Variants in SVEP1 observed in about 807,000 individuals in gnomAD.
The protein encoded by SVEP1 is sushi, von Willebrand factor type A, EGF and pentraxin domain containing 1.
In SVEP1, 164 loss-of-function variants were observed where a neutral mutation model predicts 367.3. The ratio of observed to expected loss-of-function variants is 0.45; its 90% CI spans 0.39 to 0.51. The LOEUF (loss-of-function observed/expected upper bound fraction) is 0.51, where lower values mean the gene tolerates loss of function less well. Ranked by LOEUF, SVEP1 falls within the 20% of genes least tolerant of loss-of-function variation. The pLI, the probability that SVEP1 is intolerant of heterozygous loss-of-function variation, is 0.00. For synonymous variants in SVEP1, 1,666 were observed against 1,611.6 expected (o/e 1.03, Z -0.81); for missense variants, 4,117 against 4,425.3 (o/e 0.93, Z 1.98).
Position 110,447,144 on chromosome 9 carries a change from A to T in SVEP1, c.4104-87T>A, listed in dbSNP as rs10980390. 4 of 1,233,138 alleles carry T rather than the reference A, an allele frequency of 3.2e-6. No homozygotes were observed. The South Asian group carries it at 1.0e-4, about 32-fold the overall frequency. 76.4% of individuals were successfully genotyped at this position (1,233,138 alleles called of 1,614,324 possible). Reference sequence around the variant, plus strand: ...AATCTTATCTCGAAAGACTTTGAAAATTGAAATGCTGGAACACATTTTCTA... The same window carrying T: ...AATCTTATCTCGAAAGACTTTGAAATTTGAAATGCTGGAACACATTTTCTA... On this transcript the variant is annotated intron_variant, in intron 24 of 47. Coordinates refer to ENST00000374469, the MANE Select transcript of SVEP1 (RefSeq NM_153366.4).
intron 3 of SVEP1, among the ~76,000 whole-genome samples, chr9:110,515,527 C>T (rs1359620320): frequency 6.6e-6 from 1 of 152,048 alleles, no homozygotes; most frequent in East Asian, 1.9e-4. Flanking sequence ...GTCTCAATCT[C>T]CTGACCTCAT....
At chr9:110,382,735 C>T (rs973871992) in intron 43 of SVEP1, among the ~76,000 whole-genome samples, 1 of 152,204 alleles carries the variant, frequency 6.6e-6, no homozygotes, top group African/African-American at 2.4e-5. Context: ...TACATAATTT[C>T]ATAGTTCTCA....
intron 38 of SVEP1, among the ~76,000 whole-genome samples, chr9:110,405,468 C>A (rs1251262348): frequency 6.6e-6 from 1 of 151,546 alleles, no homozygotes; most frequent in Non-Finnish European, 1.5e-5. Context: ...AGTAGGAATA[C>A]AGCATAATTC....
At chr9:110,371,855 C>G (rs529349258) in intron 46 of SVEP1, among the ~76,000 whole-genome samples, 2 of 147,394 alleles carry the variant, frequency 1.4e-5, no homozygotes, top group East Asian at 3.8e-4. Context: ...TTTTACAATC[C>G]CGCAATGAAT....
chr9:110,404,860 A>G (rs755346880), intron 38 of SVEP1, among the ~76,000 whole-genome samples: 5 of 152,074 alleles, frequency 3.3e-5, no homozygotes, highest in African/African-American at 4.8e-5. Flanking sequence ...CTTCATCTCT[A>G]TAAAAAATAA....
At chr9:110,573,172 C>G (rs1453826089) in intron 1 of SVEP1, among the ~76,000 whole-genome samples, 1 of 147,292 alleles carries the variant, frequency 6.8e-6, no homozygotes, top group Non-Finnish European at 1.5e-5. Flanking sequence ...GTACCCCCAC[C>G]CCTTCCTATA....
chr9:110,413,619 T>C (rs1828077159), intron 36 of SVEP1, among the ~76,000 whole-genome samples: 1 of 152,046 alleles, frequency 6.6e-6, no homozygotes, highest in Non-Finnish European at 1.5e-5. Context: ...TTTTTCTTAG[T>C]AATTCCCAGT....
In SVEP1 at chr9:110,416,153, T is replaced by C. The variant is rs1564136981; in HGVS notation, c.5976-4418A>G. Reference sequence around the variant, plus strand: ...GAATTTATAACACACACAAACATATTTTCCATCACAAATGGGTTGGCAGAC... The same window carrying C: ...GAATTTATAACACACACAAACATATCTTCCATCACAAATGGGTTGGCAGAC... On this transcript the variant is annotated intron_variant, in intron 36 of 47. Transcript: ENST00000374469. Among the ~76,000 whole-genome samples, 3 of 152,050 alleles carry C rather than the reference T, an allele frequency of 2.0e-5. No individual in the cohort carries two copies. In the East Asian group the frequency reaches 5.8e-4, roughly 29 times the overall value.
intron 26 of SVEP1, among the ~76,000 whole-genome samples, chr9:110,443,950 C>G (rs1828553341): frequency 1.3e-5 from 2 of 151,886 alleles, no homozygotes; most frequent in African/African-American, 2.4e-5. Context: ...TTCTTAAACA[C>G]TGAGGGGTAG....
chr9:110,456,793 A>G (rs1042532356), intron 21 of SVEP1, among the ~76,000 whole-genome samples: 2 of 152,228 alleles, frequency 1.3e-5, no homozygotes, highest in Non-Finnish European at 2.9e-5. Context: ...AATAAAGCCC[A>G]AAGCCAAATT....
intron 7 of SVEP1, among the ~76,000 whole-genome samples, chr9:110,498,319 G>C (rs1228332319): frequency 6.6e-6 from 1 of 152,142 alleles, no homozygotes; most frequent in African/African-American, 2.4e-5. Context: ...TCTCTTGGTA[G>C]AGAAATTTTT....
chr9:110,399,450 G>C (rs1045188131), intron 40 of SVEP1, among the ~76,000 whole-genome samples: 4 of 151,834 alleles, frequency 2.6e-5, no homozygotes, highest in African/African-American at 7.3e-5. Context: ...TAACAAACCT[G>C]CACATTGTGC....
At position 110,459,188 on chromosome 9, in the gene SVEP1, T is replaced by A. The variant is rs966578976; in HGVS notation, c.3323-75A>T. 2.2e-6 allele frequency: 3 copies of A among 1,392,984 alleles called. No individual in the cohort carries two copies. In the African/African-American group the frequency reaches 4.3e-5, roughly 20 times the overall value. 86.3% of individuals were successfully genotyped at this position (1,392,984 alleles called of 1,614,324 possible). ...CATTTGAAAGAAGTGATTTAATCTG[T>A]GCATATAAGAAACCTACTGAATTAT... On this transcript the variant is annotated intron_variant, in intron 18 of 47. Coordinates refer to ENST00000374469, the MANE Select transcript of SVEP1 (RefSeq NM_153366.4).
intron 5 of SVEP1, among the ~76,000 whole-genome samples, chr9:110,506,222 T>C (rs549709031): frequency 6.6e-6 from 1 of 152,302 alleles, no homozygotes; most frequent in South Asian, 2.1e-4. Context: ...CTATCATTAA[T>C]GGGCATTTGG....
chr9:110,450,041 T>A lies in SVEP1; in HGVS notation c.4103+18A>T. ...TAAAAAATAAAAACAGTGAAAAGAA[T>A]CAGACTTAGCCTTTTACCTGAAGCT... On this transcript the variant is annotated intron_variant, in intron 24 of 47. Transcript: ENST00000374469. 1.2e-6 allele frequency: 2 copies of A among 1,613,020 alleles called. No individual in the cohort carries two copies. Among genetic ancestry groups the A allele is most frequent in the Non-Finnish European group, 1.7e-6 (2 of 1,179,338 alleles).
chr9:110,387,903 C>T lies in SVEP1; in HGVS notation c.9887-445G>A, dbSNP rs564531691. Among the ~76,000 whole-genome samples the T allele has an allele frequency of 3.2e-4, 49 of 152,140 alleles. 1 individual carries two copies. In the South Asian group the frequency reaches 9.3e-3, roughly 29 times the overall value. On this transcript the variant is annotated intron_variant, in intron 41 of 47. Coordinates refer to ENST00000374469, the MANE Select transcript of SVEP1 (RefSeq NM_153366.4). ...ATAACAAATACATTTTTAGTATAAG[C>T]GTGTCTCCGATATTGCATATTTATA...
In SVEP1 at chr9:110,408,220, G is replaced by A. The variant is rs750637964; in HGVS notation, c.7380C>T (p.Ser2460=). The change falls in exon 38 of 48, where the codon AGC becomes AGT. Residue 2460 remains serine, a synonymous_variant. Coordinates refer to ENST00000374469, the MANE Select transcript of SVEP1 (RefSeq NM_153366.4). ...CTGGCTTGCAGGTATAGAGAGCTGTGCTGAGATAGGCAAGGCCTTGCACAT... is the reference window on the plus strand; with the variant it reads ...CTGGCTTGCAGGTATAGAGAGCTGTACTGAGATAGGCAAGGCCTTGCACAT... ...IIDVQGLAYL[S]TALYTCKPGF... is the part of the protein sequence containing the mutation. 26 of 1,613,988 alleles carry A rather than the reference G, an allele frequency of 1.6e-5. No individual in the cohort carries two copies. The highest frequency in any genetic ancestry group is 1.9e-5 in the Non-Finnish European group (23 of 1,179,894).
chr9:110,407,320 A>T lies in SVEP1; in HGVS notation c.8280T>A (p.Asn2760Lys). Residue 2760 changes from asparagine (N) to lysine (K), a missense_variant, in exon 38 of 48, where the codon AAT (asparagine) becomes AAA (lysine). Coordinates refer to ENST00000374469, the MANE Select transcript of SVEP1 (RefSeq NM_153366.4). Reference protein sequence around the residue: ...AGSDLRLCLENRKWSGASPRC... With the variant: ...AGSDLRLCLEKRKWSGASPRC... ...GTGGGGAGGCACCACTCCACTTTCT[A>T]TTCTCTAGACAAAGCCTTAAGTCAG... The T allele has an allele frequency of 6.2e-7, 1 of 1,613,960 alleles. No individual in the cohort carries two copies. The highest frequency in any genetic ancestry group is 8.5e-7 in the Non-Finnish European group (1 of 1,179,884).
At chr9:110,464,128 T>C (rs535525632) in intron 18 of SVEP1, among the ~76,000 whole-genome samples, 4 of 152,194 alleles carry the variant, frequency 2.6e-5, no homozygotes, top group African/African-American at 7.2e-5. Context: ...TTTTTTACTG[T>C]GGACTTTCTG....
Sources: gnomAD v4.1 joint callset for allele counts (sites outside exome capture counted in the v4.1 genomes callset) on GRCh38, gnomAD v4.1.1 for gene constraint, MANE v1.5 for transcripts, NCBI Gene and HGNC (gene_info 2026-07-23, HGNC 2026-07-21) for gene names.